Variants in GSAP observed in about 807,000 individuals in gnomAD.
GSAP encodes the protein gamma-secretase-activating protein.
Under a neutral mutation model 131.7 loss-of-function variants are expected in GSAP, and 118 were observed. The ratio of observed to expected loss-of-function variants is 0.90; its 90% CI spans 0.77 to 1.04. The LOEUF (loss-of-function observed/expected upper bound fraction) is 1.04, where lower values mean the gene tolerates loss of function less well. GSAP is among the 50% of genes least tolerant of loss of function. The probability of loss-of-function intolerance (pLI) is 0.00; values close to 1 mark genes in which losing one functional copy is unlikely to be tolerated. For missense variants in GSAP, 1,019 were observed against 1,013.2 expected, an observed-to-expected ratio of 1.01 and a Z score of -0.08; for synonymous variants, 381 against 363.4, an observed-to-expected ratio of 1.05 and a Z score of -0.55.
At chr7:77,349,780 C>A (rs949271555) in intron 18 of GSAP, among the ~76,000 whole-genome samples, 1 of 152,076 alleles carries the variant, frequency 6.6e-6, no homozygotes, top group Non-Finnish European at 1.5e-5. Context: ...ATACTCCTTC[C>A]TCTCTCTTCT....
intron 17 of GSAP, 136 bp downstream of exon 17, chr7:77,353,432 CGATA>C (rs2150857331): frequency 1.7e-6 from 1 of 587,588 alleles, no homozygotes; most frequent in African/African-American, 1.9e-5. Flanking sequence ...CTGCTGACTC[CGATA>C]GAGTTTTGTT....
At chr7:77,405,579 C>G (rs1393905773) in intron 2 of GSAP, among the ~76,000 whole-genome samples, 2 of 151,994 alleles carry the variant, frequency 1.3e-5, no homozygotes, top group African/African-American at 4.8e-5. Flanking sequence ...GCTCTGTCAC[C>G]CAGACTGGAG....
In GSAP at chr7:77,355,298, T is replaced by C. The variant is rs980889882; in HGVS notation, c.1253A>G (p.Gln418Arg). 2 of 1,614,024 alleles carry C rather than the reference T, an allele frequency of 1.2e-6. No individual in the cohort carries two copies. The highest frequency in any genetic ancestry group is 1.3e-5 in the African/African-American group (1 of 75,052). The stretch of plus-strand genomic sequence containing the variant: ...CTTCTCACAGTCTAAGCAAGTGTTC[T>C]GCAGAAGCTGTAATAAAGACGACTG... ...LSQSSLLQLLQNTCLDCEKMA... is the reference protein window; with the variant it reads ...LSQSSLLQLLRNTCLDCEKMA... The change falls in exon 16 of 31, where the codon CAG becomes CGG. Residue 418 changes from glutamine (Q) to arginine (R), a missense_variant. Physicochemically the swap from Gln to Arg is conservative, Grantham distance 43. Coordinates refer to ENST00000257626, the MANE Select transcript of GSAP (RefSeq NM_017439.4).
chr7:77,366,729 T>C (rs1337977529), intron 12 of GSAP, among the ~76,000 whole-genome samples: 1 of 152,206 alleles, frequency 6.6e-6, no homozygotes, highest in African/African-American at 2.4e-5. Flanking sequence ...TTTGGTTCCA[T>C]ATGAATTTTA....
chr7:77,404,706 C>T lies in GSAP; in HGVS notation c.187-91G>A, dbSNP rs551267431. The T allele has an allele frequency of 3.1e-4, 231 of 739,528 alleles. 5 individuals are homozygous for T. In the South Asian group the frequency reaches 3.4e-3, roughly 11 times the overall value. 45.8% of individuals were successfully genotyped at this position (739,528 alleles called of 1,614,324 possible). ...TAAAACCAACCTGCAATAACTCAAT[C>T]TTAGCAGTAAGCACTCTAAAAGAAG... is the stretch of plus-strand genomic sequence containing the variant. On this transcript the variant is annotated intron_variant, in intron 2 of 30. Coordinates refer to ENST00000257626, the MANE Select transcript of GSAP (RefSeq NM_017439.4).
chr7:77,400,892 A>G (rs924118487), intron 3 of GSAP, among the ~76,000 whole-genome samples: 1 of 152,152 alleles, frequency 6.6e-6, no homozygotes, highest in African/African-American at 2.4e-5. Context: ...ATATATAAAG[A>G]AAAATACAAA....
At chr7:77,363,840 CT>C (rs1232548504) in intron 12 of GSAP, among the ~76,000 whole-genome samples, 1 of 152,094 alleles carries the variant, frequency 6.6e-6, no homozygotes, top group African/African-American at 2.4e-5. Flanking sequence ...ACAATAACAA[CT>C]TTTCTTTACA....
Position 77,374,200 on chromosome 7 carries a change from A to C in GSAP, c.786-45T>G, listed in dbSNP as rs768810006. ...GAAATTATTGAATGCATTTAAAAAT[A>C]CATCCCTTCATAAAGGATGTGAGTA... On this transcript the variant is annotated intron_variant, in intron 11 of 30. Coordinates refer to ENST00000257626, the MANE Select transcript of GSAP (RefSeq NM_017439.4). 7.5e-6 allele frequency: 7 copies of C among 936,210 alleles called. No individual in the cohort carries two copies. The East Asian group carries it at 1.7e-4, about 23-fold the overall frequency. The allele number at this position is 936,210 out of a possible 1,614,324, so 58.0% of individuals were successfully genotyped here. A position where few individuals can be genotyped will look rare whatever the true frequency, so the allele number is the denominator to read the frequency against.
In GSAP at chr7:77,381,369, C is replaced by G. The variant is rs201453449; in HGVS notation, c.527-15G>C. 2.6e-5 allele frequency: 30 copies of G among 1,168,644 alleles called. No individual in the cohort carries two copies. Among genetic ancestry groups the G allele is most frequent in the Admixed American group, 1.8e-4 (6 of 32,456 alleles). The allele number at this position is 1,168,644 out of a possible 1,614,324, so 72.4% of individuals were successfully genotyped here. On this transcript the variant is annotated splice_polypyrimidine_tract_variant and intron_variant, in intron 7 of 30. Coordinates refer to ENST00000257626, the MANE Select transcript of GSAP (RefSeq NM_017439.4). ...TTGTTCAATATCTTTAAAAGAAAAA[C>G]AAAGAAAGATAATTTAACCTTAAGG... is the stretch of plus-strand genomic sequence containing the variant.
chr7:77,341,389 A>G (rs1584362081), intron 19 of GSAP, among the ~76,000 whole-genome samples: 2 of 152,028 alleles, frequency 1.3e-5, no homozygotes, highest in East Asian at 1.9e-4. Flanking sequence ...AGCCTCCACT[A>G]TCCCACCCTA....
At chr7:77,335,516 G>A (rs948151764) in intron 19 of GSAP, among the ~76,000 whole-genome samples, 3 of 152,114 alleles carry the variant, frequency 2.0e-5, no homozygotes, top group African/African-American at 7.2e-5. Context: ...CTCTTAGGAT[G>A]ACCTGAAATA....
At chr7:77,313,464 A>G in intron 28 of GSAP, 24 bp downstream of exon 28, 1 of 1,343,730 alleles carries the variant, frequency 7.4e-7, no homozygotes, top group South Asian at 1.2e-5. Flanking sequence ...CTTAGGGAGA[A>G]AATAAAATGT....
At chr7:77,367,626 A>G (rs1223030736) in intron 12 of GSAP, among the ~76,000 whole-genome samples, 1 of 152,126 alleles carries the variant, frequency 6.6e-6, no homozygotes, top group African/African-American at 2.4e-5. Context: ...TGATTTTTGC[A>G]TCAGCGTTCA....
At chr7:77,384,661 G>A (rs1251405958) in intron 6 of GSAP, among the ~76,000 whole-genome samples, 1 of 152,066 alleles carries the variant, frequency 6.6e-6, no homozygotes, top group Non-Finnish European at 1.5e-5. Context: ...AAGGGTCCCG[G>A]ATTGGGATCC....
In GSAP at chr7:77,329,409, T is replaced by A; in HGVS notation, c.1675-18A>T. 1 of 1,510,436 alleles carries A rather than the reference T, an allele frequency of 6.6e-7. No homozygotes were observed. The highest frequency in any genetic ancestry group is 9.1e-7 in the Non-Finnish European group (1 of 1,101,456). 93.6% of individuals were successfully genotyped at this position (1,510,436 alleles called of 1,614,324 possible). A position where few individuals can be genotyped will look rare whatever the true frequency, so the allele number is the denominator to read the frequency against. On this transcript the variant is annotated intron_variant, in intron 20 of 30. Transcript: ENST00000257626. ...CCTGTTTTCTAGGAGTGAGAACACG[T>A]CAGAAATGTGGAAGGTAAAGGTTTT...
intron 3 of GSAP, 74 bp from the exon 4 acceptor site, chr7:77,397,489 TTAAGCTCTGTGC>T: frequency 1.2e-6 from 1 of 849,722 alleles, no homozygotes; most frequent in East Asian, 2.6e-5. Flanking sequence ...TAAATTCCCA[TTAAGCTCTGTGC>T]TAAGTATTAC....
In GSAP at chr7:77,383,134, C is replaced by T. The variant is rs901375934; in HGVS notation, c.457-491G>A. On this transcript the variant is annotated intron_variant, in intron 6 of 30. Transcript: ENST00000257626. The stretch of plus-strand genomic sequence containing the variant: ...CCCAGGAGGTTGAAGTTGGAGTGAG[C>T]CAAGATCATGCCACTATACTCTAGC... Among the ~76,000 whole-genome samples the T allele has an allele frequency of 3.2e-4, 49 of 152,014 alleles. 1 individual carries two copies. Among genetic ancestry groups the T allele is most frequent in the Admixed American group, 3.0e-3 (46 of 15,260 alleles).
intron 3 of GSAP, among the ~76,000 whole-genome samples, chr7:77,400,811 C>T (rs536649146): frequency 4.8e-4 from 73 of 151,784 alleles, no homozygotes; most frequent in South Asian, 2.3e-3. Context: ...GATTTTAAAA[C>T]GGTCATAAAA....
intron 6 of GSAP, among the ~76,000 whole-genome samples, 191 bp downstream of exon 6, chr7:77,387,169 T>C (rs892498070): frequency 3.0e-4 from 45 of 152,336 alleles, no homozygotes; most frequent in African/African-American, 1.0e-3. Flanking sequence ...CAAACAGAGT[T>C]GGTGGAGCTA....
Sources: gnomAD v4.1 joint callset for allele counts (sites outside exome capture counted in the v4.1 genomes callset) on GRCh38, gnomAD v4.1.1 for gene constraint, MANE v1.5 for transcripts, NCBI Gene and HGNC (gene_info 2026-07-23, HGNC 2026-07-21) for gene names.